Variants in ATP8A2 observed in about 807,000 individuals in gnomAD.
ATP8A2 encodes the protein phospholipid-transporting ATPase IB.
ATP8A2 carries 100 observed loss-of-function variants against 165.6 expected under a neutral mutation model. The observed-to-expected ratio is 0.60, with a 90% CI of 0.51 to 0.71. The LOEUF (loss-of-function observed/expected upper bound fraction) is 0.71. Ranked by LOEUF, ATP8A2 falls within the 30% of genes least tolerant of loss-of-function variation. The pLI is 0.00. For missense variants in ATP8A2, 1,227 were observed against 1,479.5 expected (o/e 0.83, Z 2.80); for synonymous variants, 543 against 548.8 (o/e 0.99, Z 0.15).
rs141292252 is a variant in ATP8A2 at position 25,500,438 on chromosome 13, T to C, written c.222-29561T>C. On this transcript the variant is annotated intron_variant, in intron 2 of 36. Transcript: ENST00000381655. ...TAAATGTCTTAGTCAATTAAAACAA[T>C]GCATTAGTGTTACAGTGCAGACAGG... Among the ~76,000 whole-genome samples, 289 of 152,346 alleles carry C rather than the reference T, an allele frequency of 1.9e-3. 2 individuals are homozygous for C. Among genetic ancestry groups the C allele is most frequent in the Non-Finnish European group, 2.1e-3 (145 of 68,028 alleles).
intron 35 of ATP8A2, among the ~76,000 whole-genome samples, chr13:25,985,591 C>T (rs1956266491): frequency 6.6e-6 from 1 of 152,218 alleles, no homozygotes; most frequent in Admixed American, 6.5e-5. Context: ...ATCAGAGACC[C>T]ACCAGTCTCT....
Position 25,769,217 on chromosome 13 carries a change from C to T in ATP8A2, c.2556C>T (p.Tyr852=), listed in dbSNP as rs374883147. The T allele has an allele frequency of 2.5e-5, 41 of 1,610,664 alleles. No individual in the cohort carries two copies. The highest frequency in any genetic ancestry group is 1.7e-4 in the Middle Eastern group (1 of 5,952). The change falls in exon 26 of 37, where the codon TAC becomes TAT. Residue 852 remains tyrosine, a synonymous_variant. Transcript: ENST00000381655. Reference sequence around the variant, plus strand: ...TGCAGGCCACCAACAACTCGGATTACGCCATCGCACAGGTCAGCAGCTTGG... The same window carrying T: ...TGCAGGCCACCAACAACTCGGATTATGCCATCGCACAGGTCAGCAGCTTGG... ...EGMQATNNSD[Y]AIAQFSYLEK... is the part of the protein sequence containing the mutation.
At chr13:26,018,927 C>T (rs777642512) in intron 36 of ATP8A2, among the ~76,000 whole-genome samples, 1 of 152,118 alleles carries the variant, frequency 6.6e-6, no homozygotes, top group Non-Finnish European at 1.5e-5. Context: ...TTTAATGAGT[C>T]TTGGCTATTA....
intron 21 of ATP8A2, among the ~76,000 whole-genome samples, chr13:25,579,325 T>C (rs184707514): frequency 9.1e-4 from 138 of 152,322 alleles, no homozygotes; most frequent in African/African-American, 3.1e-3. Flanking sequence ...AATGTCATGA[T>C]AGCTGGAGCC....
intron 33 of ATP8A2, among the ~76,000 whole-genome samples, chr13:25,869,996 C>G (rs186433764): frequency 6.6e-6 from 1 of 152,178 alleles, no homozygotes; most frequent in Non-Finnish European, 1.5e-5. Flanking sequence ...TCAGATCACA[C>G]GTGGGCTTGG....
intron 24 of ATP8A2, among the ~76,000 whole-genome samples, chr13:25,680,016 A>T (rs2042451293): frequency 6.6e-6 from 1 of 152,172 alleles, no homozygotes; most frequent in African/African-American, 2.4e-5. Flanking sequence ...GCAAAACAAG[A>T]CAGGTGGAAT....
At chr13:25,497,024 A>C (rs1383662534) in intron 2 of ATP8A2, among the ~76,000 whole-genome samples, 6 of 151,884 alleles carry the variant, frequency 4.0e-5, no homozygotes. Context: ...GCAGGGTCTG[A>C]CTCCCTCGGC....
In ATP8A2 at chr13:25,661,486, A is replaced by C. The variant is rs182271386; in HGVS notation, c.2212-37687A>C. 1.0e-3 allele frequency among the ~76,000 whole-genome samples: 158 copies of C among 152,324 alleles called. 1 individual carries two copies. The East Asian group carries it at 0.012, about 11-fold the overall frequency. Reference sequence around the variant, plus strand: ...TTATATAGATTTTTGAGAGGAACCTAAGATTGTTTTTTTCTTTCTTGCTCA... The same window carrying C: ...TTATATAGATTTTTGAGAGGAACCTCAGATTGTTTTTTTCTTTCTTGCTCA... On this transcript the variant is annotated intron_variant, in intron 24 of 36. Transcript: ENST00000381655.
At chr13:25,577,047 T>A in intron 19 of ATP8A2, 22 bp from the exon 20 acceptor site, 1 of 826,330 alleles carries the variant, frequency 1.2e-6, no homozygotes, top group Non-Finnish European at 1.7e-6. Context: ...CAATGATGAC[T>A]TTTTTTTTTT....
At chr13:25,831,104 C>T (rs1173798816) in intron 28 of ATP8A2, among the ~76,000 whole-genome samples, 1 of 152,090 alleles carries the variant, frequency 6.6e-6, no homozygotes, top group Non-Finnish European at 1.5e-5. Flanking sequence ...GGGTTCTCCG[C>T]TGTCATTTTC....
chr13:25,791,158 G>A (rs1428649925), intron 27 of ATP8A2, among the ~76,000 whole-genome samples: 1 of 152,104 alleles, frequency 6.6e-6, no homozygotes, highest in African/African-American at 2.4e-5. Flanking sequence ...ATGATAGACT[G>A]GATAAAGAAA....
intron 24 of ATP8A2, among the ~76,000 whole-genome samples, chr13:25,639,971 A>G (rs1287456634): frequency 6.6e-6 from 1 of 152,220 alleles, no homozygotes; most frequent in African/African-American, 2.4e-5. Flanking sequence ...GCTAAACTAC[A>G]TGGAAACTGA....
intron 1 of ATP8A2, among the ~76,000 whole-genome samples, chr13:25,415,279 C>A (rs2034100127): frequency 6.6e-6 from 1 of 152,178 alleles, no homozygotes; most frequent in African/African-American, 2.4e-5. Context: ...TGGGGCAATG[C>A]TTGACTGCCC....
At chr13:25,588,648 ATC>A (rs1392855902) in intron 23 of ATP8A2, among the ~76,000 whole-genome samples, 1 of 152,190 alleles carries the variant, frequency 6.6e-6, no homozygotes, top group Non-Finnish European at 1.5e-5. Flanking sequence ...TTAATCCATT[ATC>A]TTAAGGTGCT....
intron 24 of ATP8A2, among the ~76,000 whole-genome samples, chr13:25,669,769 G>C (rs903548212): frequency 6.6e-6 from 1 of 151,984 alleles, no homozygotes; most frequent in African/African-American, 2.4e-5. Flanking sequence ...TCCATTGTCC[G>C]AGGCATAGGT....
At chr13:25,495,129 G>C (rs973335714) in intron 2 of ATP8A2, among the ~76,000 whole-genome samples, 2 of 152,204 alleles carry the variant, frequency 1.3e-5, no homozygotes, top group African/African-American at 4.8e-5. Context: ...AACAAGAACA[G>C]GAAGTCGACA....
chr13:25,799,558 T>G (rs1228830358), intron 27 of ATP8A2, among the ~76,000 whole-genome samples: 1 of 152,204 alleles, frequency 6.6e-6, no homozygotes, highest in Non-Finnish European at 1.5e-5. Context: ...GACAGAAGTT[T>G]GTTACTTGAA....
intron 30 of ATP8A2, among the ~76,000 whole-genome samples, chr13:25,846,479 T>C (rs1002340975): frequency 6.6e-6 from 1 of 152,074 alleles, no homozygotes; most frequent in Non-Finnish European, 1.5e-5. Flanking sequence ...AGTTTCAGGT[T>C]GCAGGAATAG....
intron 1 of ATP8A2, among the ~76,000 whole-genome samples, chr13:25,451,852 GT>G (rs67427237): frequency 4.8e-5 from 7 of 146,842 alleles, no homozygotes; most frequent in South Asian, 2.2e-4. Flanking sequence ...TACCTTCATG[GT>G]TTTTTTTTTT....
Sources: allele counts gnomAD v4.1 joint callset (sites outside exome capture counted in the v4.1 genomes callset), GRCh38; gene constraint gnomAD v4.1.1; transcripts MANE v1.5; gene names NCBI Gene and HGNC (gene_info 2026-07-23, HGNC 2026-07-21).